The following JAG1 variants were observed in gnomAD, a reference collection of about 807,000 sequenced individuals.
JAG1 encodes the protein jagged canonical Notch ligand 1, also known as protein jagged-1.
A neutral mutation model predicts 148.7 loss-of-function variants in JAG1; 23 were observed. The ratio of observed to expected loss-of-function variants is 0.15; its 90% CI spans 0.11 to 0.22. JAG1 has a LOEUF of 0.22. Ranked by LOEUF, JAG1 falls within the 10% of genes least tolerant of loss-of-function variation. The pLI is 1.00. For missense variants in JAG1, 1,054 were observed against 1,611.2 expected, an observed-to-expected ratio of 0.65 and a Z score of 5.92; for synonymous variants, 572 against 598.3, an observed-to-expected ratio of 0.96 and a Z score of 0.64.
chr20:10,671,199 G>A (rs1481029050), intron 2 of JAG1, among the ~76,000 whole-genome samples: 1 of 152,192 alleles, frequency 6.6e-6, no homozygotes, highest in Admixed American at 6.5e-5. Context: ...TTCACAGTCA[G>A]CTTGGGCCAG....
At chr20:10,654,721 C>T (rs981359698) in intron 5 of JAG1, among the ~76,000 whole-genome samples, 1 of 152,100 alleles carries the variant, frequency 6.6e-6, no homozygotes, top group African/African-American at 2.4e-5. Flanking sequence ...GTGGGAAAGT[C>T]GCACCTTAAG....
At chr20:10,671,235 T>C (rs533420254) in intron 2 of JAG1, among the ~76,000 whole-genome samples, 24 of 152,298 alleles carry the variant, frequency 1.6e-4, no homozygotes, top group African/African-American at 5.1e-4. Context: ...GCCAGACTCT[T>C]TAGCTTAAAG....
rs1026004197 is a variant in JAG1 at position 10,673,526 on chromosome 20, C to A, written c.5G>T (p.Arg2Leu). 1.4e-4 allele frequency: 179 copies of A among 1,243,882 alleles called. No individual in the cohort carries two copies. The Admixed American group carries it at 1.5e-3, about 10-fold the overall frequency. The allele number at this position is 1,243,882 out of a possible 1,614,324, so 77.1% of individuals were successfully genotyped here. Reference sequence around the variant, plus strand: ...GGACCGGCCGCGCGTCCGTGGGGAACGCATCGCTGCGCCGCGCGCCGCGGG... The same window carrying A: ...GGACCGGCCGCGCGTCCGTGGGGAAAGCATCGCTGCGCCGCGCGCCGCGGG... MRSPRTRGRSGR... is the reference protein window; with the variant it reads MLSPRTRGRSGR... The change falls in exon 1 of 26, where the codon CGT (arginine) becomes CTT (leucine). Residue 2 changes from arginine to leucine, a missense_variant. By Grantham distance (102) the Arg-to-Leu change is moderately radical. This residue lies in a region of JAG1 where 151 missense variants were observed against 211.1 expected (regional missense o/e 0.72). Coordinates refer to ENST00000254958, the MANE Select transcript of JAG1 (RefSeq NM_000214.3). The surrounding 1 kb of genome is among the most constrained non-coding windows in gnomAD (Gnocchi z 4.7).
chr20:10,663,793 A>G lies in JAG1; in HGVS notation c.439+170T>C, dbSNP rs143041552. Among the ~76,000 whole-genome samples, 2,242 of 152,304 alleles carry G rather than the reference A, an allele frequency of 0.015. 41 individuals are homozygous for G. Among genetic ancestry groups the G allele is most frequent in the African/African-American group, 0.045 (1,883 of 41,556 alleles). ...ATATTCCAAGCAAAAATCCTAGAAAAGTTAAGGAATACATTCCACTGAAGG... is the reference window on the plus strand; with the variant it reads ...ATATTCCAAGCAAAAATCCTAGAAAGGTTAAGGAATACATTCCACTGAAGG... On this transcript the variant is annotated intron_variant, in intron 3 of 25. Coordinates refer to ENST00000254958, the MANE Select transcript of JAG1 (RefSeq NM_000214.3).
intron 20 of JAG1, 68 bp from the exon 21 acceptor site, chr20:10,642,669 GACATA>G (rs1242201886): frequency 6.6e-6 from 6 of 911,348 alleles, no homozygotes; most frequent in Non-Finnish European, 1.1e-5. Context: ...TGTTTTTATT[GACATA>G]ACATACAAGA....
chr20:10,650,219 A>G, intron 9 of JAG1, 28 bp downstream of exon 9: 3 of 1,465,870 alleles, frequency 2.0e-6, no homozygotes, highest in Non-Finnish European at 2.9e-6. Flanking sequence ...CCTTGGTATA[A>G]AAATTACAGT....
intron 14 of JAG1, chr20:10,646,376 A>G (rs1029509721): frequency 3.2e-5 from 14 of 439,702 alleles, no homozygotes; most frequent in African/African-American, 2.6e-4. Context: ...GCAACATTCC[A>G]GAATGTTCCA....
chr20:10,642,454 A>G (rs1303966557), intron 21 of JAG1, 34 bp downstream of exon 21: 1 of 1,275,094 alleles, frequency 7.8e-7, no homozygotes, highest in Non-Finnish European at 1.1e-6. Flanking sequence ...TCACCCCAGA[A>G]GACCCATGGG....
rs965197143 is a variant in JAG1 at position 10,649,580 on chromosome 20, G to A, written c.1290C>T (p.Leu430=). ...PCVNAKSCKN[L]IASYYCDCLP... is the part of the protein sequence containing the mutation. ...GACAGTCGCAGTAGTAGCTGGCAAT[G>A]AGATTCTTACAGGATTTGGCGTTTA... is the stretch of plus-strand genomic sequence containing the variant. The change falls in exon 10 of 26, where the codon CTC becomes CTT. Residue 430 remains leucine (L), a synonymous_variant. Transcript: ENST00000254958. 4.3e-6 allele frequency: 7 copies of A among 1,613,988 alleles called. No homozygotes were observed. The highest frequency in any genetic ancestry group is 1.7e-5 in the Admixed American group (1 of 60,010).
intron 2 of JAG1, among the ~76,000 whole-genome samples, chr20:10,667,011 G>A (rs1436254846): frequency 3.3e-5 from 5 of 152,178 alleles, no homozygotes; most frequent in Non-Finnish European, 5.9e-5. Flanking sequence ...TGGGCAGAGC[G>A]GTAAGCACTT....
Position 10,658,636 on chromosome 20 carries a change from C to T in JAG1, c.526G>A (p.Val176Ile), listed in dbSNP as rs199674138. The change falls in exon 4 of 26, where the codon GTT (valine) becomes ATT (isoleucine). Residue 176 changes from valine to isoleucine, a missense_variant. Val to Ile is a conservative substitution (Grantham distance 29, BLOSUM62 3). Transcript: ENST00000254958. The stretch of plus-strand genomic sequence containing the variant: ...CGGATCTGATACTCAAAGTGGGCAA[C>T]GCCCGTGTTCTGCTTCAGCGTCTGC... Reference protein sequence around the residue: ...QWQTLKQNTGVAHFEYQIRVT... With the variant: ...QWQTLKQNTGIAHFEYQIRVT... 366 of 1,614,234 alleles carry T rather than the reference C, an allele frequency of 2.3e-4. 2 individuals carry two copies. The East Asian group carries it at 7.1e-3, about 31-fold the overall frequency.
Position 10,645,286 on chromosome 20 carries a change from A to G in JAG1, c.2114-30T>C, listed in dbSNP as rs974185091. 3 of 1,606,646 alleles carry G rather than the reference A, an allele frequency of 1.9e-6. No homozygotes were observed. The African/African-American group carries it at 4.0e-5, about 21-fold the overall frequency. On this transcript the variant is annotated intron_variant, in intron 16 of 25. Transcript: ENST00000254958. The surrounding 1 kb of genome is among the most constrained non-coding windows in gnomAD (Gnocchi z 6.1). ...AGGAAAATATTTCAGTGTGAGTCCC[A>G]GTGGCCCCCTCCCACAGAAGACAGA...
chr20:10,648,728 A>G lies in JAG1; in HGVS notation c.1396-6T>C. The G allele has an allele frequency of 6.2e-7, 1 of 1,613,920 alleles. No individual in the cohort carries two copies. Among genetic ancestry groups the G allele is most frequent in the Non-Finnish European group, 8.5e-7 (1 of 1,179,750 alleles). ...CGATAACCATTAACCAAATCCTAGA[A>G]GAGGAGAAGGGGAGAGAGAGACACA... On this transcript the variant is annotated splice_polypyrimidine_tract_variant and splice_region_variant and intron_variant, in intron 11 of 25. Coordinates refer to ENST00000254958, the MANE Select transcript of JAG1 (RefSeq NM_000214.3).
intron 19 of JAG1, 93 bp from the exon 20 acceptor site, chr20:10,643,956 T>G: frequency 2.1e-6 from 2 of 939,272 alleles, no homozygotes; most frequent in Non-Finnish European, 3.4e-6. Flanking sequence ...TTACAGTCAG[T>G]GGCTCTCACC....
chr20:10,649,468 G>T, intron 10 of JAG1, 54 bp downstream of exon 10: 1 of 1,122,464 alleles, frequency 8.9e-7, no homozygotes, highest in Non-Finnish European at 1.4e-6. Flanking sequence ...GTACGGACCA[G>T]CAAGTCGGCT....
At chr20:10,658,944 A>T (rs1203638571) in intron 3 of JAG1, among the ~76,000 whole-genome samples, 2 of 152,214 alleles carry the variant, frequency 1.3e-5, no homozygotes, top group Non-Finnish European at 2.9e-5. Context: ...GGAAACACCA[A>T]TAAATAATTT....
At position 10,645,919 on chromosome 20, in the gene JAG1, C is replaced by A; in HGVS notation, c.1999+52G>T. 8.2e-7 allele frequency: 1 copy of A among 1,218,904 alleles called. No individual in the cohort carries two copies. Among genetic ancestry groups the A allele is most frequent in the Non-Finnish European group, 1.2e-6 (1 of 819,414 alleles). The allele number at this position is 1,218,904 out of a possible 1,614,324, so 75.5% of individuals were successfully genotyped here. A position where few individuals can be genotyped will look rare whatever the true frequency, so the allele number is the denominator to read the frequency against. On this transcript the variant is annotated intron_variant, in intron 15 of 25. Transcript: ENST00000254958. This position sits in a 1 kb window ranked among gnomAD's most constrained non-coding sequence, Gnocchi z 6.1. ...AGTTTTCCCACGTTGAAGTGGGATCCCTCCAACATGACCCATACATCCCAG... is the reference window on the plus strand; with the variant it reads ...AGTTTTCCCACGTTGAAGTGGGATCACTCCAACATGACCCATACATCCCAG...
intron 5 of JAG1, 139 bp downstream of exon 5, chr20:10,656,259 G>A: frequency 1.4e-6 from 1 of 691,762 alleles, no homozygotes; most frequent in Non-Finnish European, 2.6e-6. Flanking sequence ...ATAAGCTTCG[G>A]ATGTGTCTAT....
chr20:10,646,938 C>T lies in JAG1; in HGVS notation c.1885+1G>A. ...TCCATTCCCGGATGAGGGAGTCTTACTTTCATGGCAGTATGTTCCCGTGAA... is the reference window on the plus strand; with the variant it reads ...TCCATTCCCGGATGAGGGAGTCTTATTTTCATGGCAGTATGTTCCCGTGAA... On this transcript the variant is annotated splice_donor_variant, in intron 14 of 25. Transcript: ENST00000254958. LOFTEE classifies it high-confidence loss of function. 6.2e-7 allele frequency: 1 copy of T among 1,614,020 alleles called. No individual in the cohort carries two copies. Among genetic ancestry groups the T allele is most frequent in the Non-Finnish European group, 8.5e-7 (1 of 1,179,940 alleles).
Sources: allele counts gnomAD v4.1 joint callset (sites outside exome capture counted in the v4.1 genomes callset), GRCh38; gene constraint gnomAD v4.1.1; regional missense constraint gnomAD v4.1.1; non-coding constraint Gnocchi (gnomAD v3.1); transcripts MANE v1.5; gene names NCBI Gene and HGNC (gene_info 2026-07-23, HGNC 2026-07-21).